Variants in CFAP45 observed in about 807,000 individuals in gnomAD.
The protein encoded by CFAP45 is cilia and flagella associated protein 45, also known as cilia- and flagella-associated protein 45.
In CFAP45, 43 loss-of-function variants were observed where a neutral mutation model predicts 75.6. The observed-to-expected ratio is 0.57, with a 90% CI of 0.45 to 0.73. The LOEUF is 0.73. Among genes scored for constraint, CFAP45 ranks in the 30% least tolerant of loss-of-function variants. The pLI, the probability that CFAP45 is intolerant of heterozygous loss-of-function variation, is 0.00. For synonymous variants in CFAP45, 223 were observed against 244.6 expected, an observed-to-expected ratio of 0.91 and a Z score of 0.82; for missense variants, 689 against 701.5, an observed-to-expected ratio of 0.98 and a Z score of 0.20.
intron 1 of CFAP45, among the ~76,000 whole-genome samples, chr1:159,896,832 T>A (rs755913166): frequency 1.3e-5 from 2 of 152,314 alleles, no homozygotes; most frequent in Non-Finnish European, 2.9e-5. Context: ...AGCACAAGAA[T>A]TCAGCCACAG....
chr1:159,877,356 G>A lies in CFAP45; in HGVS notation c.1151C>T (p.Ala384Val). 1 of 1,607,444 alleles carries A rather than the reference G, an allele frequency of 6.2e-7. No individual in the cohort carries two copies. The highest frequency in any genetic ancestry group is 1.3e-5 in the African/African-American group (1 of 74,882). Residue 384 changes from alanine to valine, a missense_variant, in exon 9 of 12, where the codon GCA (alanine) becomes GTA (valine). Physicochemically the swap from Ala to Val is moderately conservative, Grantham distance 64 (BLOSUM62 0). Transcript: ENST00000368099. ...AMQEKAQDYQ[A>V]EQDALRAKRN... is the part of the protein sequence containing the mutation. ...TCGAGACTAAGCAGGTACCTGTTCT[G>A]CCTGGTAATCCTGGGCCTTCTCCTG...
chr1:159,883,653 T>TATATATAC (rs1491202103), intron 7 of CFAP45, among the ~76,000 whole-genome samples: 1 of 133,544 alleles, frequency 7.5e-6, no homozygotes, highest in African/African-American at 2.8e-5. Context: ...TATATATATA[T>TATATATAC]ACACACACAC....
chr1:159,884,237 TC>T (rs150307380), intron 7 of CFAP45, among the ~76,000 whole-genome samples, 198 bp downstream of exon 7: 6,881 of 152,266 alleles, frequency 0.045, 233 homozygotes, highest in African/African-American at 0.097. Flanking sequence ...ACAATATCTA[TC>T]CAAATCACTG....
At chr1:159,893,526 C>G (rs1280210134) in intron 1 of CFAP45, among the ~76,000 whole-genome samples, 2 of 152,112 alleles carry the variant, frequency 1.3e-5, no homozygotes, top group Non-Finnish European at 2.9e-5. Context: ...AAAAAGAGCT[C>G]TGCATAAAGC....
intron 8 of CFAP45, 135 bp downstream of exon 8, chr1:159,880,419 C>G (rs1649522506): frequency 1.3e-6 from 1 of 767,726 alleles, no homozygotes; most frequent in Admixed American, 2.5e-5. Context: ...GAAGCCAGGC[C>G]CTTGAACTAA....
In CFAP45 at chr1:159,890,555, G is replaced by T. The variant is rs774711373; in HGVS notation, c.197C>A (p.Thr66Asn). The change falls in exon 3 of 12, where the codon ACT becomes AAT. Residue 66 changes from threonine to asparagine, a missense_variant. Physicochemically the swap from Thr to Asn is moderately conservative, Grantham distance 65 (BLOSUM62 0). Transcript: ENST00000368099. ...LLRDKHTLQK[T>N]LTALGLDRKP... ...GCGATCCAAGCCCAAAGCAGTGAGAGTTTTTTGAAGGGTATGCTTATCTCG... is the reference window on the plus strand; with the variant it reads ...GCGATCCAAGCCCAAAGCAGTGAGATTTTTTTGAAGGGTATGCTTATCTCG... 4 of 1,614,110 alleles carry T rather than the reference G, an allele frequency of 2.5e-6. No individual in the cohort carries two copies. The Admixed American group carries it at 5.0e-5, about 20-fold the overall frequency.
At chr1:159,897,619 A>G (rs1404294705) in intron 1 of CFAP45, among the ~76,000 whole-genome samples, 2 of 152,206 alleles carry the variant, frequency 1.3e-5, no homozygotes, top group Non-Finnish European at 2.9e-5. Flanking sequence ...TCTTGTAAAG[A>G]TGTTTGTATG....
At chr1:159,877,267 C>T (rs1649424657) in intron 9 of CFAP45, 82 bp downstream of exon 9, 1 of 997,838 alleles carries the variant, frequency 1.0e-6, no homozygotes, top group Admixed American at 1.7e-5. Context: ...TCTCCACCCT[C>T]AAGGCCATTC....
rs1271252715 is a variant in CFAP45 at position 159,893,199 on chromosome 1, C to T, written c.110G>A (p.Ser37Asn). ...GATTACCTTGATATCTCCAAAGAGGCTCTCATCCACCTCAGAGCTCACGGC... is the reference window on the plus strand; with the variant it reads ...GATTACCTTGATATCTCCAAAGAGGTTCTCATCCACCTCAGAGCTCACGGC... Reference protein sequence around the residue: ...TKAVSSEVDESLFGDIKSPAQ... With the variant: ...TKAVSSEVDENLFGDIKSPAQ... Residue 37 changes from serine to asparagine, a missense_variant, in exon 2 of 12, where the codon AGC becomes AAC. Ser to Asn is a conservative substitution (Grantham distance 46). Coordinates refer to ENST00000368099, the MANE Select transcript of CFAP45 (RefSeq NM_012337.3). 2.5e-6 allele frequency: 4 copies of T among 1,614,036 alleles called. No individual in the cohort carries two copies. Among genetic ancestry groups the T allele is most frequent in the Non-Finnish European group, 3.4e-6 (4 of 1,179,914 alleles).
chr1:159,872,880 G>C (rs1466428426), intron 11 of CFAP45, 64 bp downstream of exon 11: 2 of 1,496,296 alleles, frequency 1.3e-6, no homozygotes, highest in Non-Finnish European at 1.9e-6. Flanking sequence ...ATGCTTTCCA[G>C]CCTGTGGTGC....
rs1649743728 is a variant in CFAP45, at chr1:159,888,383, T to C, written c.386A>G (p.Gln129Arg). ...LTREELEARD[Q>R]AFKKEKEATM... Reference sequence around the variant, plus strand: ...GGCTTCCTTCTCCTTCTTGAAGGCCTGGTCCCTGGCCTCAAGTTCTTCTCT... The same window carrying C: ...GGCTTCCTTCTCCTTCTTGAAGGCCCGGTCCCTGGCCTCAAGTTCTTCTCT... The change falls in exon 4 of 12, where the codon CAG becomes CGG. Residue 129 changes from glutamine (Q) to arginine (R), a missense_variant. Coordinates refer to ENST00000368099, the MANE Select transcript of CFAP45 (RefSeq NM_012337.3). 1 of 1,613,964 alleles carries C rather than the reference T, an allele frequency of 6.2e-7. No individual in the cohort carries two copies. The highest frequency in any genetic ancestry group is 1.1e-5 in the South Asian group (1 of 91,078).
At chr1:159,894,590 T>G (rs1649909720) in intron 1 of CFAP45, among the ~76,000 whole-genome samples, 1 of 152,238 alleles carries the variant, frequency 6.6e-6, no homozygotes, top group Non-Finnish European at 1.5e-5. Context: ...TACCCACTAT[T>G]TGGCTGTTTC....
intron 2 of CFAP45, among the ~76,000 whole-genome samples, chr1:159,890,825 C>G (rs1279018698): frequency 7.2e-6 from 1 of 138,280 alleles, no homozygotes; most frequent in Non-Finnish European, 1.5e-5. Flanking sequence ...GTGGCACGAT[C>G]TTGGCTCACT....
intron 1 of CFAP45, among the ~76,000 whole-genome samples, chr1:159,897,160 A>T (rs1649970660): frequency 6.6e-6 from 1 of 152,172 alleles, no homozygotes; most frequent in Admixed American, 6.5e-5. Context: ...GCTACTTGGG[A>T]GGCTGAGGCG....
intron 1 of CFAP45, among the ~76,000 whole-genome samples, chr1:159,899,688 C>T (rs1475093666): frequency 6.6e-6 from 1 of 151,566 alleles, no homozygotes; most frequent in South Asian, 2.1e-4. Flanking sequence ...AGGATGGTCT[C>T]GATCTCCTGA....
intron 1 of CFAP45, among the ~76,000 whole-genome samples, chr1:159,897,683 C>T (rs750358835): frequency 5.9e-5 from 9 of 152,138 alleles, no homozygotes; most frequent in East Asian, 5.8e-4. Flanking sequence ...AAATGTTTAA[C>T]AGTATGTCAG....
chr1:159,874,999 T>C (rs139110768), intron 10 of CFAP45, among the ~76,000 whole-genome samples: 70 of 152,280 alleles, frequency 4.6e-4, no homozygotes, highest in Non-Finnish European at 7.5e-4. Context: ...GGATTTGGGC[T>C]GTGGCAGAGA....
At chr1:159,873,484 G>A in intron 10 of CFAP45, 1 of 377,780 alleles carries the variant, frequency 2.6e-6, no homozygotes, top group Non-Finnish European at 4.9e-6. Context: ...TTTTGAACAA[G>A]GGAGTCCACA....
intron 6 of CFAP45, among the ~76,000 whole-genome samples, chr1:159,886,050 T>C (rs963663677): frequency 2.0e-5 from 3 of 152,140 alleles, no homozygotes; most frequent in African/African-American, 7.2e-5. Context: ...AATAAGCTTC[T>C]AAAAATTCTG....
Sources: gnomAD v4.1 joint callset for allele counts (sites outside exome capture counted in the v4.1 genomes callset) on GRCh38, gnomAD v4.1.1 for gene constraint, MANE v1.5 for transcripts, NCBI Gene and HGNC (gene_info 2026-07-23, HGNC 2026-07-21) for gene names.